The following MAGI2 variants were observed in gnomAD, a reference collection of about 807,000 sequenced individuals.
The protein encoded by MAGI2 is membrane-associated guanylate kinase, WW and PDZ domain-containing protein 2.
A neutral mutation model predicts 133.3 loss-of-function variants in MAGI2; 35 were observed. The ratio of observed to expected loss-of-function variants is 0.26; its 90% CI spans 0.20 to 0.35. MAGI2 has a LOEUF of 0.35. MAGI2 is among the 10% of genes least tolerant of loss of function. MAGI2 has a pLI of 1.00. For synonymous variants in MAGI2, 729 were observed against 710.6 expected (o/e 1.03, Z -0.41); for missense variants, 1,636 against 1,863.4 (o/e 0.88, Z 2.25).
At chr7:78,171,156 A>T (rs994185144) in intron 14 of MAGI2, among the ~76,000 whole-genome samples, 5 of 152,234 alleles carry the variant, frequency 3.3e-5, no homozygotes, top group Non-Finnish European at 5.9e-5. Context: ...TGAGAAAAAA[A>T]CAACTTTTTT....
chr7:79,443,851 T>G (rs1848657551), intron 1 of MAGI2, among the ~76,000 whole-genome samples: 2 of 152,172 alleles, frequency 1.3e-5, no homozygotes, highest in African/African-American at 2.4e-5. Context: ...ATTTTGATTT[T>G]TAATTAAATA....
intron 2 of MAGI2, among the ~76,000 whole-genome samples, chr7:78,892,577 A>G (rs201730685): frequency 1.3e-5 from 2 of 152,342 alleles, no homozygotes; most frequent in East Asian, 1.9e-4. Context: ...ATAATGCTGC[A>G]TACCTACAAC....
At chr7:78,958,498 A>G (rs1452271115) in intron 2 of MAGI2, among the ~76,000 whole-genome samples, 2 of 152,200 alleles carry the variant, frequency 1.3e-5, no homozygotes, top group East Asian at 1.9e-4. Flanking sequence ...TCATAACTCA[A>G]TGAAAATTGT....
intron 2 of MAGI2, among the ~76,000 whole-genome samples, chr7:79,003,182 A>C (rs940031800): frequency 2.2e-4 from 33 of 151,980 alleles, no homozygotes; most frequent in African/African-American, 8.0e-4. Context: ...GTATATGTAT[A>C]TGTGTGTATG....
At chr7:78,933,688 C>T (rs1334154111) in intron 2 of MAGI2, among the ~76,000 whole-genome samples, 1 of 151,730 alleles carries the variant, frequency 6.6e-6, no homozygotes, top group Non-Finnish European at 1.5e-5. Context: ...ATTAACACTG[C>T]AAAAAAAGTG....
intron 2 of MAGI2, among the ~76,000 whole-genome samples, chr7:78,831,024 T>C (rs145167426): frequency 9.8e-4 from 149 of 152,298 alleles, no homozygotes; most frequent in African/African-American, 3.1e-3. Context: ...ATTAGCATAA[T>C]GTACAATATA....
intron 3 of MAGI2, among the ~76,000 whole-genome samples, chr7:78,558,974 T>G (rs1438239179): frequency 1.3e-5 from 2 of 151,570 alleles, no homozygotes; most frequent in African/African-American, 4.8e-5. Flanking sequence ...AGACTAATTT[T>G]AAATTTCAGG....
chr7:79,362,466 C>T (rs1292937188), intron 1 of MAGI2, among the ~76,000 whole-genome samples: 2 of 152,054 alleles, frequency 1.3e-5, no homozygotes, highest in South Asian at 2.1e-4. Context: ...TTTAACGAAT[C>T]CCTTTGAGAA....
rs574675460 is a variant in MAGI2 at position 79,097,979 on chromosome 7, G to A, written c.302-90773C>T. ...TCTACCAAAAATACAAAACTTAGCC[G>A]GACATGGTGGCACACGCCTGTACTC... is the stretch of plus-strand genomic sequence containing the variant. On this transcript the variant is annotated intron_variant, in intron 1 of 21. Transcript: ENST00000354212. Among the ~76,000 whole-genome samples, 7 of 152,140 alleles carry A rather than the reference G, an allele frequency of 4.6e-5. No homozygotes were observed. In the South Asian group the frequency reaches 8.3e-4, roughly 18 times the overall value.
At chr7:78,744,009 T>G (rs148373743) in intron 2 of MAGI2, among the ~76,000 whole-genome samples, 1 of 152,326 alleles carries the variant, frequency 6.6e-6, no homozygotes, top group African/African-American at 2.4e-5. Context: ...AGCATGAGCC[T>G]TCTTTAACTT....
rs1254301122 is a variant in MAGI2, at chr7:79,385,919, G to A, written c.301+67101C>T. 2.6e-5 allele frequency among the ~76,000 whole-genome samples: 4 copies of A among 151,828 alleles called. No homozygotes were observed. In the East Asian group the frequency reaches 7.7e-4, roughly 29 times the overall value. ...ATAGTAACCATTTTACTCTCTCTAT[G>A]AATCCCATAACATTATGTTGTAAAC... On this transcript the variant is annotated intron_variant, in intron 1 of 21. Coordinates refer to ENST00000354212, the MANE Select transcript of MAGI2 (RefSeq NM_012301.4).
chr7:79,449,651 A>G (rs779773587), intron 1 of MAGI2, among the ~76,000 whole-genome samples: 1 of 151,982 alleles, frequency 6.6e-6, no homozygotes, highest in Non-Finnish European at 1.5e-5. Flanking sequence ...GCTAATTTAG[A>G]ATTACATACT....
chr7:78,884,205 C>T (rs749190591), intron 2 of MAGI2, among the ~76,000 whole-genome samples: 14 of 152,252 alleles, frequency 9.2e-5, no homozygotes, highest in Non-Finnish European at 1.5e-4. Context: ...AGGCTAGGCA[C>T]TGTGGCTCAT....
chr7:78,891,657 G>T (rs2151570550), intron 2 of MAGI2, among the ~76,000 whole-genome samples: 1 of 152,224 alleles, frequency 6.6e-6, no homozygotes. Flanking sequence ...ATGCAGAAAA[G>T]GCCTTTGACA....
rs561415473 is a variant in MAGI2, at chr7:79,067,539, G to C, written c.302-60333C>G. Among the ~76,000 whole-genome samples, 3 of 152,296 alleles carry C rather than the reference G, an allele frequency of 2.0e-5. No homozygotes were observed. In the East Asian group the frequency reaches 5.8e-4, roughly 29 times the overall value. The stretch of plus-strand genomic sequence containing the variant: ...TGGGGTTTTCTAAATATACAATCAT[G>C]TCAACTGCAAACAGAGACAATTTGA... On this transcript the variant is annotated intron_variant, in intron 1 of 21. Transcript: ENST00000354212.
intron 2 of MAGI2, among the ~76,000 whole-genome samples, chr7:78,635,593 G>C (rs1809539424): frequency 6.6e-6 from 1 of 152,208 alleles, no homozygotes; most frequent in Non-Finnish European, 1.5e-5. Context: ...GAGAATGTGA[G>C]AAAATGAATT....
intron 1 of MAGI2, among the ~76,000 whole-genome samples, chr7:79,409,631 A>G (rs550669725): frequency 1.3e-5 from 2 of 152,272 alleles, no homozygotes; most frequent in South Asian, 4.1e-4. Flanking sequence ...TTTAACAAAG[A>G]GTTAAGCAAA....
chr7:78,679,806 A>G (rs1056717901), intron 2 of MAGI2, among the ~76,000 whole-genome samples: 15 of 152,118 alleles, frequency 9.9e-5, no homozygotes, highest in African/African-American at 3.6e-4. Flanking sequence ...CTTTCATTTT[A>G]ACAAAACATA....
At chr7:78,570,207 A>T (rs918897980) in intron 3 of MAGI2, among the ~76,000 whole-genome samples, 10 of 152,190 alleles carry the variant, frequency 6.6e-5, no homozygotes, top group African/African-American at 2.4e-4. Flanking sequence ...ATATTGCCAA[A>T]CAAGTCTTCA....
Sources: gnomAD v4.1 joint callset for allele counts (sites outside exome capture counted in the v4.1 genomes callset) on GRCh38, gnomAD v4.1.1 for gene constraint, MANE v1.5 for transcripts, NCBI Gene and HGNC (gene_info 2026-07-23, HGNC 2026-07-21) for gene names.